Variants in TMED8 observed in about 807,000 individuals in gnomAD.
TMED8 encodes the protein protein TMED8.
Under a neutral mutation model 32.7 loss-of-function variants are expected in TMED8, and 15 were observed. The ratio of observed to expected loss-of-function variants is 0.46; its 90% confidence interval spans 0.31 to 0.71. The LOEUF is 0.71. TMED8 is among the 30% of genes least tolerant of loss of function. The pLI is 0.06. For missense variants in TMED8, 390 were observed against 423.9 expected, an observed-to-expected ratio of 0.92 and a Z score of 0.70; for synonymous variants, 147 against 161.4, an observed-to-expected ratio of 0.91 and a Z score of 0.68.
At chr14:77,349,410 G>A (rs946892935) in intron 2 of TMED8, among the ~76,000 whole-genome samples, 24 of 151,862 alleles carry the variant, frequency 1.6e-4, no homozygotes, top group African/African-American at 4.6e-4. Context: ...GAGCCACCTC[G>A]CCCAGCCCTA....
rs150611082 is a variant in TMED8, at chr14:77,346,353, T to C, written c.323A>G (p.Asn108Ser). Residue 108 changes from asparagine (N) to serine (S), a missense_variant, in exon 3 of 6, where the codon AAT becomes AGT. Coordinates refer to ENST00000216468, the MANE Select transcript of TMED8 (RefSeq NM_213601.3). ...LLPADQAQVL[N>S]EMAKYQVPQR... ...GAGCCAGAATCTGCCCCCTACCTCA[T>C]TGAGGACCTGGGCCTGGTCTGCAGG... 244 of 1,614,066 alleles carry C rather than the reference T, an allele frequency of 1.5e-4. No individual in the cohort carries two copies. The highest frequency in any genetic ancestry group is 1.7e-4 in the Non-Finnish European group (204 of 1,179,964).
chr14:77,372,992 G>T (rs1180763506), intron 1 of TMED8, among the ~76,000 whole-genome samples: 1 of 87,452 alleles, frequency 1.1e-5, no homozygotes, highest in African/African-American at 4.4e-5. Context: ...TTGAGACAGC[G>T]TCTCCCTCTG....
chr14:77,358,251 A>T (rs1893341906), intron 1 of TMED8, among the ~76,000 whole-genome samples: 2 of 152,044 alleles, frequency 1.3e-5, no homozygotes, highest in Admixed American at 6.6e-5. Flanking sequence ...CACATATAAA[A>T]ATATACATGT....
rs1893034318 is a variant in TMED8 at position 77,346,394 on chromosome 14, C to T, written c.282G>A (p.Val94=). Reference sequence around the variant, plus strand: ...GGTCTGCAGGCAGCAAATCCTGTTTCACCAAGGCCTGAGCCTCCAAAGGAC... The same window carrying T: ...GGTCTGCAGGCAGCAAATCCTGTTTTACCAAGGCCTGAGCCTCCAAAGGAC... ...ATGPLEAQAL[V]KQDLLPADQA... is the part of the protein sequence containing the mutation. Residue 94 remains valine (V), a synonymous_variant, in exon 3 of 6, where the codon GTG becomes GTA. Coordinates refer to ENST00000216468, the MANE Select transcript of TMED8 (RefSeq NM_213601.3). The T allele has an allele frequency of 1.2e-6, 2 of 1,614,054 alleles. No homozygotes were observed. The highest frequency in any genetic ancestry group is 1.7e-5 in the Admixed American group (1 of 59,994).
Position 77,362,926 on chromosome 14 carries a change from C to T in TMED8, c.119-11175G>A, listed in dbSNP as rs931481582. ...GGGTCAAGCCATCAAGAGGACATAACAATTATAAATACATATGCACTCAAC... is the reference window on the plus strand; with the variant it reads ...GGGTCAAGCCATCAAGAGGACATAATAATTATAAATACATATGCACTCAAC... On this transcript the variant is annotated intron_variant, in intron 1 of 5. Transcript: ENST00000216468. Among the ~76,000 whole-genome samples, 19 of 152,080 alleles carry T rather than the reference C, an allele frequency of 1.2e-4. 1 individual carries two copies. The highest frequency in any genetic ancestry group is 4.4e-5 in the Non-Finnish European group (3 of 68,008).
rs1892967835 is a variant in TMED8 at position 77,343,787 on chromosome 14, T to C, written c.364A>G (p.Ile122Val). Residue 122 changes from isoleucine (I) to valine (V), a missense_variant, in exon 4 of 6, where the codon ATC becomes GTC. Transcript: ENST00000216468. Reference sequence around the variant, plus strand: ...GTATGTTCAGACTGGATCATAACGATGTCCCCAGACCTCTGTGGAACTTGA... The same window carrying C: ...GTATGTTCAGACTGGATCATAACGACGTCCCCAGACCTCTGTGGAACTTGA... ...KYQVPQRSGD[I>V]VMIQSEHTGA... The C allele has an allele frequency of 6.2e-7, 1 of 1,614,182 alleles. No individual in the cohort carries two copies. The highest frequency in any genetic ancestry group is 1.1e-5 in the South Asian group (1 of 91,080).
At chr14:77,353,425 C>T (rs1325684067) in intron 1 of TMED8, among the ~76,000 whole-genome samples, 4 of 146,814 alleles carry the variant, frequency 2.7e-5, no homozygotes, top group Non-Finnish European at 6.0e-5. Flanking sequence ...ATCTATTTTT[C>T]TTTTCTTTTC....
chr14:77,362,438 C>T (rs1405716763), intron 1 of TMED8, among the ~76,000 whole-genome samples: 1 of 152,048 alleles, frequency 6.6e-6, no homozygotes, highest in East Asian at 1.9e-4. Context: ...ATTTATTCTA[C>T]ATAAGCCTCA....
chr14:77,367,240 T>TAAAAAAAAAA (rs56707120), intron 1 of TMED8, among the ~76,000 whole-genome samples: 1 of 25,074 alleles, frequency 4.0e-5, no homozygotes, highest in Non-Finnish European at 8.5e-5. Context: ...AGACTCTGTC[T>TAAAAAAAAAA]AAAAAAAAAA....
Position 77,376,756 on chromosome 14 carries a change from C to A in TMED8, c.118+180G>T. 1 of 363,262 alleles carries A rather than the reference C, an allele frequency of 2.8e-6. No individual in the cohort carries two copies. The highest frequency in any genetic ancestry group is 4.9e-6 in the Non-Finnish European group (1 of 204,284). 22.5% of individuals were successfully genotyped at this position (363,262 alleles called of 1,614,324 possible). The stretch of plus-strand genomic sequence containing the variant: ...CGAAACAGGAGTGAGTAGAAAATAA[C>A]CTCGAGCCCAGGGCCCGGGTGGTGG... On this transcript the variant is annotated intron_variant, in intron 1 of 5. Transcript: ENST00000216468. This position sits in a 1 kb window ranked among gnomAD's most constrained non-coding sequence, Gnocchi z 4.0.
chr14:77,343,597 T>G (rs1892960634), intron 4 of TMED8, 100 bp downstream of exon 4: 19 of 1,580,318 alleles, frequency 1.2e-5, no homozygotes, highest in Non-Finnish European at 1.6e-5. Flanking sequence ...CTTGACTTCC[T>G]TTCACAAGTC....
At position 77,336,351 on chromosome 14, in the gene TMED8, G is replaced by A. The variant is rs1439307244; in HGVS notation, c.*5420C>T. The A allele has an allele frequency of 1.3e-5, 2 of 152,032 alleles. No homozygotes were observed. Among genetic ancestry groups the A allele is most frequent in the Admixed American group, 1.3e-4 (2 of 15,266 alleles). The allele number at this position is 152,032 out of a possible 1,614,324, so 9.4% of individuals were successfully genotyped here. ...CATACCTGGGGCCTAAAAAAATCAG[G>A]TACATATAATAGGAATCACATCATG... On this transcript the variant is annotated 3_prime_UTR_variant, in exon 6 of 6. Coordinates refer to ENST00000216468, the MANE Select transcript of TMED8 (RefSeq NM_213601.3).
chr14:77,376,148 G>GAA lies in TMED8; in HGVS notation c.118+786_118+787dup, dbSNP rs1254780239. 6.6e-6 allele frequency among the ~76,000 whole-genome samples: 1 copy of GAA among 152,228 alleles called. No homozygotes were observed. Among genetic ancestry groups the GAA allele is most frequent in the Non-Finnish European group, 1.5e-5 (1 of 68,040 alleles). ...TGTGGTGTTCAGGAGGCTGAAAGAA[G>GAA]AAAGTGTGATGGATGGACTCTTTTG... On this transcript the variant is annotated intron_variant, in intron 1 of 5. Coordinates refer to ENST00000216468, the MANE Select transcript of TMED8 (RefSeq NM_213601.3). The surrounding 1 kb of genome is among the most constrained non-coding windows in gnomAD (Gnocchi z 4.0).
In TMED8 at chr14:77,350,185, G is replaced by C. The variant is rs76018570; in HGVS notation, c.197+1488C>G. On this transcript the variant is annotated intron_variant, in intron 2 of 5. Coordinates refer to ENST00000216468, the MANE Select transcript of TMED8 (RefSeq NM_213601.3). ...TTTGGTATCCCAGTTGCATATGGGG[G>C]GTCTATTAGATGATCCATCTTAAGC... 1.9e-3 allele frequency among the ~76,000 whole-genome samples: 289 copies of C among 152,020 alleles called. 11 individuals are homozygous for C. The East Asian group carries it at 0.047, about 25-fold the overall frequency.
intron 2 of TMED8, among the ~76,000 whole-genome samples, chr14:77,351,436 G>GTTTTTTTTT (rs1566687602): frequency 7.6e-5 from 9 of 117,964 alleles, no homozygotes; most frequent in East Asian, 2.5e-4. Context: ...TTTTTTTTTG[G>GTTTTTTTTT]ATTTTTAGTA....
Position 77,341,669 on chromosome 14 carries a change from GC to G in TMED8, c.*101del. On this transcript the variant is annotated 3_prime_UTR_variant, in exon 6 of 6. Transcript: ENST00000216468. ...GCCAGACAGGGTGTGAGGCTCAGCAGCCCCCCATGAACCTTTGGCTCTTGCC... is the reference window on the plus strand; with the variant it reads ...GCCAGACAGGGTGTGAGGCTCAGCAGCCCCCATGAACCTTTGGCTCTTGCC... 8.7e-7 allele frequency: 1 copy of G among 1,155,632 alleles called. No individual in the cohort carries two copies. The highest frequency in any genetic ancestry group is 1.3e-6 in the Non-Finnish European group (1 of 787,658). The allele number at this position is 1,155,632 out of a possible 1,614,324, so 71.6% of individuals were successfully genotyped here. A position where few individuals can be genotyped will look rare whatever the true frequency, so the allele number is the denominator to read the frequency against.
chr14:77,351,520 C>G (rs1267276160), intron 2 of TMED8, among the ~76,000 whole-genome samples, 153 bp downstream of exon 2: 1 of 148,410 alleles, frequency 6.7e-6, no homozygotes, highest in Non-Finnish European at 1.5e-5. Flanking sequence ...CTTGGCCTCC[C>G]AAAGTGCTGG....
intron 1 of TMED8, among the ~76,000 whole-genome samples, chr14:77,368,793 G>T (rs1186289388): frequency 6.6e-6 from 1 of 152,146 alleles, no homozygotes. Context: ...TTATTTATAG[G>T]AGTTTTAGAT....
intron 1 of TMED8, among the ~76,000 whole-genome samples, chr14:77,372,936 ATATATATATATATATATTTTTTTTTTTT>A (rs1354000781): frequency 5.5e-4 from 17 of 30,658 alleles, no homozygotes; most frequent in African/African-American, 1.3e-3. Context: ...ATATATATAT[ATATATATATATATATATTTTTTTTTTTT>A]TTTTTTTTTT....
Sources: allele counts gnomAD v4.1 joint callset (sites outside exome capture counted in the v4.1 genomes callset), GRCh38; gene constraint gnomAD v4.1.1; non-coding constraint Gnocchi (gnomAD v3.1); transcripts MANE v1.5; gene names NCBI Gene and HGNC (gene_info 2026-07-23, HGNC 2026-07-21).